The following STK32B variants were observed in gnomAD, a reference collection of about 807,000 sequenced individuals.
STK32B encodes serine/threonine-protein kinase 32B.
A neutral mutation model predicts 52.6 loss-of-function variants in STK32B; 43 were observed. The ratio of observed to expected loss-of-function variants is 0.82; its 90% CI spans 0.64 to 1.05. The LOEUF (loss-of-function observed/expected upper bound fraction) is 1.05. Among genes scored for constraint, STK32B ranks in the 50% least tolerant of loss-of-function variants. STK32B has a pLI of 0.00. For missense variants in STK32B, 621 were observed against 534.6 expected (o/e 1.16, Z -1.59); for synonymous variants, 238 against 204.3 (o/e 1.17, Z -1.41).
At chr4:5,289,908 A>G (rs889293010) in intron 3 of STK32B, among the ~76,000 whole-genome samples, 4 of 151,764 alleles carry the variant, frequency 2.6e-5, no homozygotes, top group African/African-American at 9.7e-5. Context: ...GGTTTGTTAT[A>G]TAGGTAAATT....
intron 3 of STK32B, among the ~76,000 whole-genome samples, chr4:5,259,607 A>G (rs1726566754): frequency 1.3e-5 from 2 of 152,202 alleles, no homozygotes; most frequent in South Asian, 4.1e-4. Flanking sequence ...CACTCATAAT[A>G]TTGCCAGACA....
chr4:5,335,927 G>T (rs1234527775), intron 4 of STK32B, among the ~76,000 whole-genome samples: 1 of 151,492 alleles, frequency 6.6e-6, no homozygotes, highest in East Asian at 1.9e-4. Flanking sequence ...AATAGGTGTG[G>T]TGTGGTGCTG....
chr4:5,389,982 C>A (rs1736499839), intron 4 of STK32B, among the ~76,000 whole-genome samples: 1 of 152,220 alleles, frequency 6.6e-6, no homozygotes, highest in South Asian at 2.1e-4. Context: ...GTCAGGGAAC[C>A]TGGGCAGCCT....
At chr4:5,468,301 A>G (rs1273551770) in intron 11 of STK32B, among the ~76,000 whole-genome samples, 1 of 152,182 alleles carries the variant, frequency 6.6e-6, no homozygotes, top group East Asian at 1.9e-4. Context: ...GGGAGCTCCC[A>G]TGAGAATGGG....
chr4:5,108,689 G>C lies in STK32B; in HGVS notation c.53-31216G>C, dbSNP rs149006883. 1.1e-3 allele frequency among the ~76,000 whole-genome samples: 171 copies of C among 152,242 alleles called. 1 individual carries two copies. The highest frequency in any genetic ancestry group is 3.6e-3 in the African/African-American group (150 of 41,544). Reference sequence around the variant, plus strand: ...AATTTTTTTTGTTAAGTGGTCCAGTGACTCGCAGAGTCGGTAGTTCAAGTT... The same window carrying C: ...AATTTTTTTTGTTAAGTGGTCCAGTCACTCGCAGAGTCGGTAGTTCAAGTT... On this transcript the variant is annotated intron_variant, in intron 1 of 11. Coordinates refer to ENST00000282908, the MANE Select transcript of STK32B (RefSeq NM_018401.3).
intron 1 of STK32B, among the ~76,000 whole-genome samples, chr4:5,085,732 A>G (rs1712696079): frequency 6.6e-6 from 1 of 152,228 alleles, no homozygotes; most frequent in South Asian, 2.1e-4. Context: ...AGACAACCCA[A>G]GAGGCACTTA....
rs141506046 is a variant in STK32B at position 5,383,187 on chromosome 4, C to T, written c.435-15020C>T. On this transcript the variant is annotated intron_variant, in intron 4 of 11. Coordinates refer to ENST00000282908, the MANE Select transcript of STK32B (RefSeq NM_018401.3). The stretch of plus-strand genomic sequence containing the variant: ...TGTGGGTGTCCGGGCCTGGAGGGTG[C>T]GTATTTTTCAGCTGATCTGTGCCCA... 7.8e-3 allele frequency among the ~76,000 whole-genome samples: 1,181 copies of T among 152,176 alleles called. 13 individuals carry two copies. The highest frequency in any genetic ancestry group is 0.027 in the African/African-American group (1,121 of 41,522).
intron 9 of STK32B, among the ~76,000 whole-genome samples, chr4:5,466,407 C>T (rs1717437378): frequency 6.6e-6 from 1 of 152,094 alleles, no homozygotes; most frequent in Non-Finnish European, 1.5e-5. Flanking sequence ...AAATCAGATT[C>T]GAAAACTGAA....
At position 5,262,515 on chromosome 4, in the gene STK32B, C is replaced by T. The variant is rs2108846417; in HGVS notation, c.261-68705C>T. On this transcript the variant is annotated intron_variant, in intron 3 of 11. Coordinates refer to ENST00000282908, the MANE Select transcript of STK32B (RefSeq NM_018401.3). ...TGGCGGGCGCCTGTAGTCCCAGCTA[C>T]TCGGGAGGCTGCGGCAGGAGAATGG... Among the ~76,000 whole-genome samples, 2 of 151,450 alleles carry T rather than the reference C, an allele frequency of 1.3e-5. 1 individual carries two copies. The highest frequency in any genetic ancestry group is 4.8e-5 in the African/African-American group (2 of 41,300).
chr4:5,326,549 T>G (rs1731887122), intron 3 of STK32B, among the ~76,000 whole-genome samples: 2 of 152,290 alleles, frequency 1.3e-5, no homozygotes, highest in Admixed American at 1.3e-4. Context: ...TTATTGACAT[T>G]TTTTCGTTTT....
chr4:5,060,319 C>T lies in STK32B; in HGVS notation c.52+8404C>T, dbSNP rs143227877. The stretch of plus-strand genomic sequence containing the variant: ...TTTATTGACATAACATTATTCATAT[C>T]CTCTTATTATCTTTTTCAGTGTTTG... On this transcript the variant is annotated intron_variant, in intron 1 of 11. Transcript: ENST00000282908. Among the ~76,000 whole-genome samples the T allele has an allele frequency of 1.8e-3, 274 of 152,210 alleles. 2 individuals carry two copies. Among genetic ancestry groups the T allele is most frequent in the African/African-American group, 6.2e-3 (259 of 41,530 alleles).
chr4:5,112,739 G>A (rs752316912), intron 1 of STK32B, among the ~76,000 whole-genome samples: 6 of 152,104 alleles, frequency 3.9e-5, no homozygotes, highest in Non-Finnish European at 5.9e-5. Flanking sequence ...GCTTCTCTGT[G>A]GAGGAAAAAT....
intron 1 of STK32B, among the ~76,000 whole-genome samples, chr4:5,069,659 A>T (rs1436570780): frequency 6.6e-6 from 1 of 152,196 alleles, no homozygotes; most frequent in Non-Finnish European, 1.5e-5. Flanking sequence ...AATGGTACTT[A>T]CTTCATACAT....
In STK32B at chr4:5,438,168, G is replaced by C. The variant is rs16837230; in HGVS notation, c.563-8505G>C. 4,772 of 975,912 alleles carry C rather than the reference G, an allele frequency of 4.9e-3. 205 individuals are homozygous for C. The African/African-American group carries it at 0.076, about 16-fold the overall frequency. The allele number at this position is 975,912 out of a possible 1,614,324, so 60.5% of individuals were successfully genotyped here. On this transcript the variant is annotated intron_variant, in intron 6 of 11. Transcript: ENST00000282908. ...TGGAGCTTGTGGGCTGGCCCAGCAT[G>C]AAGGGACTCCTTTTCTCTCAAGCCC...
intron 11 of STK32B, among the ~76,000 whole-genome samples, chr4:5,482,404 T>A (rs538240116): frequency 3.9e-5 from 6 of 152,128 alleles, no homozygotes; most frequent in South Asian, 2.1e-4. Context: ...ATTGGTGTAT[T>A]AGAATGCTTG....
At chr4:5,336,534 G>A (rs1732708736) in intron 4 of STK32B, among the ~76,000 whole-genome samples, 2 of 152,062 alleles carry the variant, frequency 1.3e-5, no homozygotes, top group African/African-American at 4.8e-5. Context: ...GAAGAATTTT[G>A]CATGTGTGAA....
chr4:5,341,934 GTGC>G (rs2108971090), intron 4 of STK32B, among the ~76,000 whole-genome samples: 2 of 152,232 alleles, frequency 1.3e-5, no homozygotes, highest in African/African-American at 4.8e-5. Context: ...CCATGTTGGT[GTGC>G]TGCATCCATT....
chr4:5,439,871 C>A (rs934212326), intron 6 of STK32B, among the ~76,000 whole-genome samples: 11 of 152,082 alleles, frequency 7.2e-5, no homozygotes, highest in Admixed American at 1.3e-4. Flanking sequence ...ATCCTTTCCC[C>A]ATTGCTTGTT....
chr4:5,352,567 C>T (rs1733894753), intron 4 of STK32B, among the ~76,000 whole-genome samples: 1 of 148,274 alleles, frequency 6.7e-6, no homozygotes, highest in Non-Finnish European at 1.5e-5. Flanking sequence ...CACTCCTATT[C>T]AACATAGTAC....
Sources: gnomAD v4.1 joint callset for allele counts (sites outside exome capture counted in the v4.1 genomes callset) on GRCh38, gnomAD v4.1.1 for gene constraint, MANE v1.5 for transcripts, NCBI Gene and HGNC (gene_info 2026-07-23, HGNC 2026-07-21) for gene names.